SLC12A2: variants seen among roughly 807,000 people sequenced by gnomAD.
The protein encoded by SLC12A2 is Na-K-2Cl cotransporter 1.
SLC12A2 carries 67 observed loss-of-function variants against 136.3 expected under a neutral mutation model. That is an observed-to-expected ratio of 0.49 (90% confidence interval 0.40 to 0.60). The LOEUF (loss-of-function observed/expected upper bound fraction) is 0.60. SLC12A2 is among the 20% of genes least tolerant of loss of function. The pLI, the probability that SLC12A2 is intolerant of heterozygous loss-of-function variation, is 0.00. For synonymous variants in SLC12A2, 619 were observed against 562.9 expected (o/e 1.10, Z -1.41); for missense variants, 1,322 against 1,534.7 (o/e 0.86, Z 2.32).
chr5:128,088,342 A>G (rs777287020), intron 1 of SLC12A2, among the ~76,000 whole-genome samples: 6 of 152,168 alleles, frequency 3.9e-5, no homozygotes, highest in Non-Finnish European at 8.8e-5. Context: ...TTAAAAATGT[A>G]TATACGTACA....
chr5:128,123,960 A>G lies in SLC12A2; in HGVS notation c.1049-7107A>G, dbSNP rs542021803. ...ATTACCATTTGTAGCTAGCTTTTGT[A>G]TATATTGTGAAATGTGAATCAGTAT... is the stretch of plus-strand genomic sequence containing the variant. On this transcript the variant is annotated intron_variant, in intron 4 of 26. Transcript: ENST00000262461. Among the ~76,000 whole-genome samples the G allele has an allele frequency of 1.8e-4, 28 of 152,250 alleles. No individual in the cohort carries two copies. In the South Asian group the frequency reaches 5.2e-3, roughly 28 times the overall value.
At position 128,084,008 on chromosome 5, in the gene SLC12A2, C is replaced by A; in HGVS notation, c.54C>A (p.Val18=). 8.0e-7 allele frequency: 1 copy of A among 1,253,404 alleles called. No individual in the cohort carries two copies. The highest frequency in any genetic ancestry group is 3.1e-5 in the South Asian group (1 of 32,388). 77.6% of individuals were successfully genotyped at this position (1,253,404 alleles called of 1,614,324 possible). A position where few individuals can be genotyped will look rare whatever the true frequency, so the allele number is the denominator to read the frequency against. ...CCGGCGCCCCGGGACTGGCCGGGGT[C>A]GGGGAGACGCCGTCAGCCGCTGCGC... is the stretch of plus-strand genomic sequence containing the variant. ...PSSGAPGLAG[V]GETPSAAALA... is the part of the protein sequence containing the mutation. Residue 18 remains valine, a synonymous_variant, in exon 1 of 27, where the codon GTC becomes GTA. Coordinates refer to ENST00000262461, the MANE Select transcript of SLC12A2 (RefSeq NM_001046.3). The surrounding 1 kb of genome is among the most constrained non-coding windows in gnomAD (Gnocchi z 5.6).
chr5:128,091,532 G>A (rs1329736808), intron 1 of SLC12A2, among the ~76,000 whole-genome samples: 1 of 152,134 alleles, frequency 6.6e-6, no homozygotes, highest in Non-Finnish European at 1.5e-5. Flanking sequence ...GCCCACTGAG[G>A]GTGAGCAACA....
chr5:128,102,695 C>T (rs1184940051), intron 1 of SLC12A2, among the ~76,000 whole-genome samples: 1 of 144,720 alleles, frequency 6.9e-6, no homozygotes, highest in Non-Finnish European at 1.5e-5. Context: ...TCAGTGCAGC[C>T]TCAACCTCCT....
chr5:128,169,235 A>AC (rs1763295153), intron 18 of SLC12A2: 1 of 151,852 alleles, frequency 6.6e-6, no homozygotes, highest in Non-Finnish European at 1.5e-5. Context: ...GTCCTTTAAA[A>AC]AAAACTTTTA....
chr5:128,184,882 T>C, intron 26 of SLC12A2, 26 bp downstream of exon 26: 1 of 1,537,214 alleles, frequency 6.5e-7, no homozygotes, highest in Non-Finnish European at 9.0e-7. Context: ...ATAAAGATTT[T>C]CTTGCTAATT....
chr5:128,153,941 A>T (rs568781840), intron 15 of SLC12A2, among the ~76,000 whole-genome samples: 4 of 152,136 alleles, frequency 2.6e-5, no homozygotes, highest in Non-Finnish European at 2.9e-5. Flanking sequence ...TCACTTCAGC[A>T]TATTTTGGAT....
At chr5:128,111,434 G>A (rs201480577) in intron 1 of SLC12A2, among the ~76,000 whole-genome samples, 1 of 152,130 alleles carries the variant, frequency 6.6e-6, no homozygotes, top group South Asian at 2.1e-4. Context: ...TTGCACTGTG[G>A]TAGCACAGAA....
At chr5:128,123,585 T>C (rs1430390237) in intron 4 of SLC12A2, among the ~76,000 whole-genome samples, 1 of 152,186 alleles carries the variant, frequency 6.6e-6, no homozygotes, top group Non-Finnish European at 1.5e-5. Context: ...GCTAAAGATG[T>C]TGGGTATCTT....
At chr5:128,155,568 A>G (rs1257474261) in intron 15 of SLC12A2, among the ~76,000 whole-genome samples, 1 of 152,058 alleles carries the variant, frequency 6.6e-6, no homozygotes, top group Non-Finnish European at 1.5e-5. Flanking sequence ...CTTCTTCCTT[A>G]ACTGTATTCA....
chr5:128,184,986 T>C (rs2126762024), intron 26 of SLC12A2, 130 bp downstream of exon 26: 1 of 741,538 alleles, frequency 1.3e-6, no homozygotes, highest in Non-Finnish European at 2.2e-6. Flanking sequence ...AAAAACAAAC[T>C]TGTAAAAATA....
At chr5:128,161,585 C>A in intron 16 of SLC12A2, 75 bp from the exon 17 acceptor site, 1 of 929,850 alleles carries the variant, frequency 1.1e-6, no homozygotes, top group Non-Finnish European at 1.4e-6. Flanking sequence ...GCCAGTATAA[C>A]AGGATGAATC....
At chr5:128,186,461 GTTT>G (rs11382084) in intron 26 of SLC12A2, 32 bp from the exon 27 acceptor site, 527 of 1,323,456 alleles carry the variant, frequency 4.0e-4, no homozygotes, top group Admixed American at 1.1e-3. Context: ...ATTGCTCAGG[GTTT>G]TTTTTTTTTC....
intron 1 of SLC12A2, among the ~76,000 whole-genome samples, chr5:128,103,758 A>G (rs1760827778): frequency 6.6e-6 from 1 of 152,218 alleles, no homozygotes; most frequent in Admixed American, 6.5e-5. Context: ...AGGCAAGCCA[A>G]AAGTCCCTCA....
In SLC12A2 at chr5:128,112,854, C is replaced by T; in HGVS notation, c.797C>T (p.Thr266Ile). 2.5e-6 allele frequency: 4 copies of T among 1,612,594 alleles called. No individual in the cohort carries two copies. The highest frequency in any genetic ancestry group is 3.4e-6 in the Non-Finnish European group (4 of 1,179,002). Residue 266 changes from threonine to isoleucine, a missense_variant, in exon 2 of 27, where the codon ACT becomes ATT. Thr to Ile is a moderately conservative substitution (Grantham distance 89, BLOSUM62 -1). This residue lies in a region of SLC12A2 where 59 missense variants were observed against 51.5 expected (regional missense o/e 1.15). Coordinates refer to ENST00000262461, the MANE Select transcript of SLC12A2 (RefSeq NM_001046.3). ...EDGFANGEES[T>I]PTRDAVVTYT... The stretch of plus-strand genomic sequence containing the variant: ...GGCTTTGCAAATGGGGAAGAAAGTA[C>T]TCCAACCAGAGATGCTGTGGTCACG...
chr5:128,113,021 C>T, intron 2 of SLC12A2, 88 bp downstream of exon 2: 2 of 1,130,112 alleles, frequency 1.8e-6, no homozygotes, highest in Non-Finnish European at 2.4e-6. Context: ...CTCAAGAGAA[C>T]TCTTTTTTTC....
intron 1 of SLC12A2, chr5:128,110,892 G>A (rs547572035): frequency 2.6e-6 from 3 of 1,142,466 alleles, no homozygotes; most frequent in African/African-American, 3.0e-5. Context: ...ATTTACAAGT[G>A]AGTGGGCCGC....
chr5:128,128,901 AGTT>A (rs1761915802), intron 4 of SLC12A2, among the ~76,000 whole-genome samples: 1 of 151,828 alleles, frequency 6.6e-6, no homozygotes, highest in Non-Finnish European at 1.5e-5. Context: ...GATGATGTGC[AGTT>A]GTTTTTACAT....
At chr5:128,132,206 G>C (rs1307413878) in intron 5 of SLC12A2, among the ~76,000 whole-genome samples, 2 of 152,074 alleles carry the variant, frequency 1.3e-5, no homozygotes, top group African/African-American at 4.8e-5. Context: ...ACGGAGAATG[G>C]ACTTGAGGAA....
Sources: gnomAD v4.1 joint callset for allele counts (sites outside exome capture counted in the v4.1 genomes callset) on GRCh38, gnomAD v4.1.1 for gene constraint, gnomAD v4.1.1 regional missense constraint, Gnocchi (gnomAD v3.1) non-coding constraint, MANE v1.5 for transcripts, NCBI Gene and HGNC (gene_info 2026-07-23, HGNC 2026-07-21) for gene names.